ADCK2: variants seen among roughly 807,000 people sequenced by gnomAD.
ADCK2 encodes the protein aarF domain containing kinase 2.
In ADCK2, 37 loss-of-function variants were observed where a neutral mutation model predicts 52.3. That is an observed-to-expected ratio of 0.71 (90% CI 0.54 to 0.93). ADCK2 has a LOEUF of 0.93. Among genes scored for constraint, ADCK2 ranks in the 40% least tolerant of loss-of-function variants. The pLI is 0.00. For synonymous variants in ADCK2, 321 were observed against 349.2 expected (o/e 0.92, Z 0.90); for missense variants, 695 against 798.7 (o/e 0.87, Z 1.56).
chr7:140,676,163 G>A (rs1427797493), intron 2 of ADCK2, among the ~76,000 whole-genome samples: 1 of 152,204 alleles, frequency 6.6e-6, no homozygotes, highest in Non-Finnish European at 1.5e-5. Flanking sequence ...TTCGATGTCT[G>A]GTGAGGCCCC....
At chr7:140,691,285 T>C (rs1794698646) in intron 7 of ADCK2, among the ~76,000 whole-genome samples, 1 of 152,250 alleles carries the variant, frequency 6.6e-6, no homozygotes, top group Non-Finnish European at 1.5e-5. Flanking sequence ...GCTTCGTAGC[T>C]GTTAGTCTAT....
rs1262030344 is a variant in ADCK2, at chr7:140,673,970, G to A, written c.640G>A (p.Val214Met). The A allele has an allele frequency of 1.2e-6, 2 of 1,614,080 alleles. No homozygotes were observed. Among genetic ancestry groups the A allele is most frequent in the East Asian group, 4.5e-5 (2 of 44,882 alleles). Residue 214 changes from valine (V) to methionine (M), a missense_variant, in exon 1 of 8, where the codon GTG (valine) becomes ATG (methionine). Transcript: ENST00000072869. This position sits in a 1 kb window ranked among gnomAD's most constrained non-coding sequence, Gnocchi z 6.4. ...EPVGSGCVAQ[V>M]YKAYANTAFL... ...TGTGGGCTCAGGCTGCGTGGCCCAG[G>A]TGTACAAAGCATACGCCAACACTGC...
chr7:140,690,820 G>A lies in ADCK2; in HGVS notation c.1740+7G>A, dbSNP rs202208835. 4.7e-5 allele frequency: 76 copies of A among 1,613,612 alleles called. No homozygotes were observed. The highest frequency in any genetic ancestry group is 5.8e-5 in the Non-Finnish European group (69 of 1,179,770). Reference sequence around the variant, plus strand: ...GTTGCTGATGACTCACAAGGTGAGGGCCATTCAGAGGGGAGGTCTCTGGGG... The same window carrying A: ...GTTGCTGATGACTCACAAGGTGAGGACCATTCAGAGGGGAGGTCTCTGGGG... On this transcript the variant is annotated splice_region_variant and intron_variant, in intron 7 of 7. Coordinates refer to ENST00000072869, the MANE Select transcript of ADCK2 (RefSeq NM_052853.4).
chr7:140,686,166 TAATA>T (rs1411042634), intron 4 of ADCK2, among the ~76,000 whole-genome samples: 1 of 152,252 alleles, frequency 6.6e-6, no homozygotes, highest in Non-Finnish European at 1.5e-5. Context: ...GGAAAATCTT[TAATA>T]AATAGCTAAT....
At chr7:140,689,767 C>A (rs1794673513) in intron 6 of ADCK2, 42 bp downstream of exon 6, 1 of 1,567,336 alleles carries the variant, frequency 6.4e-7, no homozygotes. Flanking sequence ...GGAGTCCATA[C>A]CTGGCCTGGG....
intron 7 of ADCK2, among the ~76,000 whole-genome samples, chr7:140,692,789 T>G (rs1794730470): frequency 6.6e-6 from 1 of 152,288 alleles, no homozygotes. Context: ...TAGAAAAGTT[T>G]TAAAAACATT....
Position 140,673,819 on chromosome 7 carries a change from C to T in ADCK2, c.489C>T (p.Phe163=), listed in dbSNP as rs781418950. The part of the protein sequence containing the change: ...STRRDLFSEA[F]CAQFSKLHVR... ...GGCGCGATCTGTTTTCGGAGGCTTT[C>T]TGTGCCCAATTTTCCAAGCTGCATG... The change falls in exon 1 of 8, where the codon TTC becomes TTT. Residue 163 remains phenylalanine (F), a synonymous_variant. Coordinates refer to ENST00000072869, the MANE Select transcript of ADCK2 (RefSeq NM_052853.4). The surrounding 1 kb of genome is among the most constrained non-coding windows in gnomAD (Gnocchi z 6.4). The T allele has an allele frequency of 6.2e-7, 1 of 1,614,038 alleles. No homozygotes were observed. Among genetic ancestry groups the T allele is most frequent in the African/African-American group, 1.3e-5 (1 of 75,030 alleles).
intron 4 of ADCK2, among the ~76,000 whole-genome samples, chr7:140,685,676 T>C (rs1284960010): frequency 6.6e-6 from 1 of 151,994 alleles, no homozygotes; most frequent in Admixed American, 6.6e-5. Context: ...CCATAAGGGA[T>C]GGGGTCTATG....
At chr7:140,679,416 G>A (rs1282902569) in intron 3 of ADCK2, 133 bp downstream of exon 3, 3 of 1,351,838 alleles carry the variant, frequency 2.2e-6, no homozygotes, top group African/African-American at 1.5e-5. Context: ...GAGCTGGGAT[G>A]TGTTGGCCTC....
At position 140,693,972 on chromosome 7, in the gene ADCK2, G is replaced by C. The variant is rs935825899; in HGVS notation, c.1741-691G>C. Among the ~76,000 whole-genome samples, 1 of 152,034 alleles carries C rather than the reference G, an allele frequency of 6.6e-6. No individual in the cohort carries two copies. Among genetic ancestry groups the C allele is most frequent in the Non-Finnish European group, 1.5e-5 (1 of 68,008 alleles). ...GATCCGCCCGCCTCGGTCTCCCAAA[G>C]GGCTGGGATTACAGGAGTGAGCCAC... On this transcript the variant is annotated intron_variant, in intron 7 of 7. Coordinates refer to ENST00000072869, the MANE Select transcript of ADCK2 (RefSeq NM_052853.4). This position sits in a 1 kb window ranked among gnomAD's most constrained non-coding sequence, Gnocchi z 4.0.
At chr7:140,676,098 A>C (rs973773330) in intron 2 of ADCK2, among the ~76,000 whole-genome samples, 4 of 152,238 alleles carry the variant, frequency 2.6e-5, no homozygotes, top group Non-Finnish European at 5.9e-5. Context: ...ATACAACAGA[A>C]ATGTATTTCT....
intron 7 of ADCK2, among the ~76,000 whole-genome samples, chr7:140,691,362 GA>G (rs1200228334): frequency 6.6e-5 from 10 of 152,198 alleles, no homozygotes; most frequent in Non-Finnish European, 1.3e-4. Flanking sequence ...TAAAAATGTA[GA>G]AACAGCCTAC....
chr7:140,676,501 A>G (rs1794421603), intron 2 of ADCK2, among the ~76,000 whole-genome samples: 1 of 152,222 alleles, frequency 6.6e-6, no homozygotes, highest in African/African-American at 2.4e-5. Context: ...TCTGAGTTTC[A>G]GTTCCCCTTG....
Position 140,690,828 on chromosome 7 carries a change from G to GA in ADCK2, c.1740+16dup, listed in dbSNP as rs761976636. 6 of 1,613,368 alleles carry GA rather than the reference G, an allele frequency of 3.7e-6. No homozygotes were observed. The South Asian group carries it at 6.6e-5, about 18-fold the overall frequency. On this transcript the variant is annotated intron_variant, in intron 7 of 7. Coordinates refer to ENST00000072869, the MANE Select transcript of ADCK2 (RefSeq NM_052853.4). ...TGACTCACAAGGTGAGGGCCATTCAGAGGGGAGGTCTCTGGGGAAGGTGGG... is the reference window on the plus strand; with the variant it reads ...TGACTCACAAGGTGAGGGCCATTCAGAAGGGGAGGTCTCTGGGGAAGGTGGG...
chr7:140,688,548 AC>A (rs1794648861), intron 5 of ADCK2, among the ~76,000 whole-genome samples: 1 of 152,240 alleles, frequency 6.6e-6, no homozygotes, highest in African/African-American at 2.4e-5. Context: ...GTGGGAAGAA[AC>A]AAGTGCTGTT....
rs375001099 is a variant in ADCK2, at chr7:140,679,142, C to T, written c.1081-13C>T. On this transcript the variant is annotated splice_polypyrimidine_tract_variant and intron_variant, in intron 2 of 7. Transcript: ENST00000072869. ...CAGACTAGCCCTCATCCTTTCTGTC[C>T]ATTTCTCTGTAGATTGACCTGCGTT... The T allele has an allele frequency of 1.7e-5, 27 of 1,613,768 alleles. No individual in the cohort carries two copies. The African/African-American group carries it at 3.5e-4, about 21-fold the overall frequency.
rs1794771388 is a variant in ADCK2, at chr7:140,694,791, G to A, written c.1869G>A (p.Val623=). The A allele has an allele frequency of 6.2e-7, 1 of 1,613,058 alleles. No homozygotes were observed. Among genetic ancestry groups the A allele is most frequent in the African/African-American group, 1.3e-5 (1 of 75,036 alleles). ...GGCCCTTCCTCCTCACGGGCCCAGT[G>A]TGCCCCCCGTGATGGGGCAGTGGCC... ...AARPFLLTGP[V]CPP Residue 623 remains valine, a synonymous_variant, in exon 8 of 8, where the codon GTG becomes GTA. Transcript: ENST00000072869.
chr7:140,680,265 C>T (rs1794493993), intron 3 of ADCK2, among the ~76,000 whole-genome samples: 2 of 151,930 alleles, frequency 1.3e-5, no homozygotes, highest in African/African-American at 4.8e-5. Flanking sequence ...TCCACCTCAG[C>T]CTCCCAAGTA....
At chr7:140,689,574 C>T (rs1794668865) in intron 5 of ADCK2, 23 bp from the exon 6 acceptor site, 8 of 1,582,230 alleles carry the variant, frequency 5.1e-6, no homozygotes, top group Non-Finnish European at 6.0e-6. Flanking sequence ...CACTCCAAGT[C>T]CCTTTTCCGT....
Sources: allele counts gnomAD v4.1 joint callset (sites outside exome capture counted in the v4.1 genomes callset), GRCh38; gene constraint gnomAD v4.1.1; non-coding constraint Gnocchi (gnomAD v3.1); transcripts MANE v1.5; gene names NCBI Gene and HGNC (gene_info 2026-07-23, HGNC 2026-07-21).